The following MEI4 variants were observed in gnomAD, a reference collection of about 807,000 sequenced individuals.
The protein encoded by MEI4 is meiotic double-stranded break formation protein 4, also known as meiosis-specific protein MEI4.
MEI4 carries 27 observed loss-of-function variants against 31.4 expected under a neutral mutation model. The observed-to-expected ratio is 0.86, with a 90% confidence interval of 0.63 to 1.19. MEI4 has a LOEUF of 1.19. MEI4 is among the 50% of genes most tolerant of loss of function. The pLI is 0.00. For synonymous variants in MEI4, 122 were observed against 145.4 expected (o/e 0.84, Z 1.16); for missense variants, 329 against 398.9 (o/e 0.82, Z 1.49).
intron 4 of MEI4, among the ~76,000 whole-genome samples, chr6:77,856,430 G>T (rs1415654927): frequency 6.6e-6 from 1 of 152,048 alleles, no homozygotes; most frequent in East Asian, 1.9e-4. Flanking sequence ...CTATGCCATT[G>T]TATACATAGA....
At chr6:77,772,242 A>C (rs1175383102) in intron 3 of MEI4, among the ~76,000 whole-genome samples, 1 of 125,600 alleles carries the variant, frequency 8.0e-6, no homozygotes, top group East Asian at 2.5e-4. Context: ...AAGCAAAACC[A>C]GACAAAGACA....
chr6:77,886,419 T>G (rs1771619410), intron 4 of MEI4, among the ~76,000 whole-genome samples: 1 of 126,164 alleles, frequency 7.9e-6, no homozygotes, highest in Admixed American at 9.2e-5. Flanking sequence ...CCATTTCTTT[T>G]AGATTTTCCA....
intron 1 of MEI4, among the ~76,000 whole-genome samples, chr6:77,665,024 G>C (rs1428829999): frequency 6.6e-6 from 1 of 151,604 alleles, no homozygotes; most frequent in Admixed American, 6.6e-5. Context: ...TGTAGTGAAG[G>C]AAGCAAGCCT....
intron 3 of MEI4, among the ~76,000 whole-genome samples, chr6:77,763,774 G>A (rs1350256530): frequency 6.6e-6 from 1 of 152,018 alleles, no homozygotes; most frequent in South Asian, 2.1e-4. Context: ...CTCTTTGAAT[G>A]TTTGGTAGGA....
At chr6:77,817,780 G>T (rs1037531973) in intron 3 of MEI4, among the ~76,000 whole-genome samples, 3 of 151,654 alleles carry the variant, frequency 2.0e-5, no homozygotes, top group African/African-American at 7.3e-5. Context: ...CCATATATAG[G>T]ACTGAGTAAT....
chr6:77,868,853 C>A (rs1181347282), intron 4 of MEI4, among the ~76,000 whole-genome samples: 2 of 151,974 alleles, frequency 1.3e-5, no homozygotes, highest in African/African-American at 2.4e-5. Context: ...AGGTCCCAAC[C>A]AGCAGTGCCC....
At chr6:77,653,998 A>G (rs551135828) in intron 1 of MEI4, among the ~76,000 whole-genome samples, 3 of 152,240 alleles carry the variant, frequency 2.0e-5, no homozygotes, top group Non-Finnish European at 2.9e-5. Context: ...TATTTATTCA[A>G]TAGAGTAAAT....
chr6:77,805,264 T>C (rs1253902315), intron 3 of MEI4, among the ~76,000 whole-genome samples: 1 of 152,120 alleles, frequency 6.6e-6, no homozygotes, highest in Non-Finnish European at 1.5e-5. Context: ...AGTAGTGCTT[T>C]GAATATGAAT....
intron 1 of MEI4, among the ~76,000 whole-genome samples, chr6:77,686,691 A>G (rs2127651118): frequency 6.6e-6 from 1 of 152,182 alleles, no homozygotes; most frequent in African/African-American, 2.4e-5. Context: ...TAAATCATGT[A>G]TGGGCATAAA....
At chr6:77,801,496 G>C (rs961825224) in intron 3 of MEI4, among the ~76,000 whole-genome samples, 5 of 151,990 alleles carry the variant, frequency 3.3e-5, no homozygotes, top group African/African-American at 1.2e-4. Flanking sequence ...CTTCAGTTCT[G>C]CTCTGATCTG....
chr6:77,731,923 A>G (rs1767007532), intron 2 of MEI4, among the ~76,000 whole-genome samples: 1 of 151,226 alleles, frequency 6.6e-6, no homozygotes, highest in Non-Finnish European at 1.5e-5. Flanking sequence ...GGTTTGTCAA[A>G]GATCAGATAG....
intron 3 of MEI4, among the ~76,000 whole-genome samples, chr6:77,805,697 G>C (rs754892955): frequency 6.6e-6 from 1 of 152,024 alleles, no homozygotes; most frequent in Non-Finnish European, 1.5e-5. Flanking sequence ...TTCAAGGAAA[G>C]AAAATTCTAA....
rs1766712381 is a variant in MEI4 at position 77,921,915 on chromosome 6, G to A, written c.901-1174G>A. 3.3e-5 allele frequency among the ~76,000 whole-genome samples: 5 copies of A among 151,690 alleles called. No homozygotes were observed. The South Asian group carries it at 1.0e-3, about 31-fold the overall frequency. On this transcript the variant is annotated intron_variant, in intron 4 of 4. Coordinates refer to ENST00000684080, the MANE Select transcript of MEI4 (RefSeq NM_001322247.2). ...TGACTGATTGCAGATCACTGTAACA[G>A]ATAAAGTAACAGTGAAAAATTTGAA...
At chr6:77,704,550 G>A (rs923154109) in intron 2 of MEI4, among the ~76,000 whole-genome samples, 1 of 152,122 alleles carries the variant, frequency 6.6e-6, no homozygotes, top group Non-Finnish European at 1.5e-5. Context: ...AGCATCAGGT[G>A]GGAAGTTGTT....
At chr6:77,676,240 A>G (rs1390476795) in intron 1 of MEI4, among the ~76,000 whole-genome samples, 10 of 152,106 alleles carry the variant, frequency 6.6e-5, no homozygotes, top group Admixed American at 6.5e-4. Flanking sequence ...TTTAATCTCC[A>G]TTTTTATAAT....
chr6:77,871,085 T>C (rs1473499857), intron 4 of MEI4, among the ~76,000 whole-genome samples: 1 of 152,192 alleles, frequency 6.6e-6, no homozygotes, highest in Non-Finnish European at 1.5e-5. Flanking sequence ...AGATGAAATC[T>C]CACTTTGTTT....
chr6:77,724,873 G>A (rs1329275892), intron 2 of MEI4, among the ~76,000 whole-genome samples: 2 of 146,532 alleles, frequency 1.4e-5, no homozygotes, highest in African/African-American at 5.1e-5. Context: ...TATTCGCAAT[G>A]TAAACTTTCG....
intron 2 of MEI4, among the ~76,000 whole-genome samples, chr6:77,742,583 C>G (rs1254523117): frequency 1.3e-5 from 2 of 152,162 alleles, no homozygotes; most frequent in Non-Finnish European, 2.9e-5. Context: ...CCTATTCACT[C>G]TGACGTAGTT....
intron 3 of MEI4, among the ~76,000 whole-genome samples, chr6:77,826,120 A>G (rs983708135): frequency 2.6e-5 from 4 of 152,168 alleles, no homozygotes; most frequent in Admixed American, 2.6e-4. Flanking sequence ...ACTTGATCCC[A>G]GTTTTGTTTA....
Sources: allele counts gnomAD v4.1 joint callset (sites outside exome capture counted in the v4.1 genomes callset), GRCh38; gene constraint gnomAD v4.1.1; transcripts MANE v1.5; gene names NCBI Gene and HGNC (gene_info 2026-07-23, HGNC 2026-07-21).